Variants in STPG2 observed in about 807,000 individuals in gnomAD.
The protein encoded by STPG2 is sperm-tail PG-rich repeat-containing protein 2.
Under a neutral mutation model 54.2 loss-of-function variants are expected in STPG2, and 56 were observed. That is an observed-to-expected ratio of 1.03 (90% CI 0.83 to 1.29). STPG2 has a LOEUF of 1.29. STPG2 is among the 50% of genes most tolerant of loss of function. The pLI is 0.00. For missense variants in STPG2, 596 were observed against 544.9 expected (o/e 1.09, Z -0.93); for synonymous variants, 200 against 181.8 (o/e 1.10, Z -0.81).
rs142695699 is a variant in STPG2, at chr4:97,943,703, T to C, written c.1044+194A>G. On this transcript the variant is annotated intron_variant, in intron 8 of 10. Coordinates refer to ENST00000295268, the MANE Select transcript of STPG2 (RefSeq NM_174952.3). ...GGATGTTGCATGTAATAATCTCTCA[T>C]ATAGCAATTCTGGACTTTGGCATAG... 2.6e-5 allele frequency among the ~76,000 whole-genome samples: 4 copies of C among 152,316 alleles called. No homozygotes were observed. The East Asian group carries it at 7.7e-4, about 29-fold the overall frequency.
At chr4:97,703,443 CTA>C (rs1207888125) in intron 10 of STPG2, among the ~76,000 whole-genome samples, 1 of 139,374 alleles carries the variant, frequency 7.2e-6, no homozygotes, top group Non-Finnish European at 1.5e-5. Context: ...ATGATATATG[CTA>C]TATATATACA....
intron 10 of STPG2, among the ~76,000 whole-genome samples, chr4:97,664,127 TAG>T (rs1722453962): frequency 6.6e-6 from 1 of 152,216 alleles, no homozygotes; most frequent in Non-Finnish European, 1.5e-5. Context: ...CATTACTATA[TAG>T]CAGTCCTTGT....
intron 8 of STPG2, among the ~76,000 whole-genome samples, chr4:97,899,004 C>T (rs529863358): frequency 5.9e-5 from 9 of 151,534 alleles, no homozygotes; most frequent in African/African-American, 1.4e-4. Flanking sequence ...TAAAGGGCAT[C>T]CAAAAGGAAC....
In STPG2 at chr4:97,967,431, C is replaced by T. The variant is rs1415229333; in HGVS notation, c.933+4849G>A. Reference sequence around the variant, plus strand: ...ATGGGAGACTTGAACACCCCACTGTCAATAGTAGACATATCAATGAGACAG... The same window carrying T: ...ATGGGAGACTTGAACACCCCACTGTTAATAGTAGACATATCAATGAGACAG... On this transcript the variant is annotated intron_variant, in intron 7 of 10. Transcript: ENST00000295268. Among the ~76,000 whole-genome samples, 16 of 152,058 alleles carry T rather than the reference C, an allele frequency of 1.1e-4. No individual in the cohort carries two copies. In the East Asian group the frequency reaches 2.9e-3, roughly 28 times the overall value.
chr4:97,775,203 A>G (rs1043327322), intron 9 of STPG2, among the ~76,000 whole-genome samples: 4 of 152,182 alleles, frequency 2.6e-5, no homozygotes, highest in Non-Finnish European at 4.4e-5. Context: ...AAGGAAAGTA[A>G]ATATGGCCCT....
intron 10 of STPG2, among the ~76,000 whole-genome samples, chr4:97,571,508 C>CTA (rs1330438577): frequency 1.3e-5 from 2 of 152,138 alleles, no homozygotes; most frequent in African/African-American, 4.8e-5. Context: ...AAAGTTTCAT[C>CTA]TACCTGGTAA....
intron 9 of STPG2, among the ~76,000 whole-genome samples, chr4:97,749,396 G>A (rs1028088164): frequency 2.6e-5 from 4 of 151,446 alleles, no homozygotes; most frequent in Non-Finnish European, 5.9e-5. Flanking sequence ...CTGTATATTT[G>A]GCTATCTAGT....
intron 4 of STPG2, among the ~76,000 whole-genome samples, chr4:97,501,605 G>A (rs77502609): frequency 0.014 from 2,189 of 151,966 alleles, 27 homozygotes; most frequent in South Asian, 0.028. Context: ...TGAGGCAGGA[G>A]GATTGCTTGA....
At chr4:97,737,736 C>T (rs1463699813) in intron 9 of STPG2, among the ~76,000 whole-genome samples, 6 of 152,140 alleles carry the variant, frequency 3.9e-5, no homozygotes, top group South Asian at 4.1e-4. Context: ...TACGTCTCAT[C>T]GGTGTACCTG....
At chr4:97,767,327 A>G (rs539474732) in intron 9 of STPG2, among the ~76,000 whole-genome samples, 3 of 152,246 alleles carry the variant, frequency 2.0e-5, no homozygotes, top group Non-Finnish European at 2.9e-5. Flanking sequence ...GGAAGATTTG[A>G]TTTCATTTTG....
rs184196068 is a variant in STPG2 at position 97,880,466 on chromosome 4, A to T, written c.1045-39534T>A. 9.2e-5 allele frequency among the ~76,000 whole-genome samples: 14 copies of T among 152,288 alleles called. No individual in the cohort carries two copies. In the East Asian group the frequency reaches 2.7e-3, roughly 29 times the overall value. ...AAGATCTATTTCATTTAGAAGCAGC[A>T]GAGTATAGAAAATAAACCCTTGAGA... On this transcript the variant is annotated intron_variant, in intron 8 of 10. Transcript: ENST00000295268.
At chr4:97,834,865 G>C (rs1308743762) in intron 9 of STPG2, among the ~76,000 whole-genome samples, 2 of 151,998 alleles carry the variant, frequency 1.3e-5, no homozygotes, top group Non-Finnish European at 2.9e-5. Flanking sequence ...CTGAATGCAA[G>C]AGACCCAATA....
chr4:97,505,664 C>G (rs2148836660), intron 4 of STPG2, among the ~76,000 whole-genome samples: 1 of 151,996 alleles, frequency 6.6e-6, no homozygotes, highest in African/African-American at 2.4e-5. Flanking sequence ...TAGTGTGTAA[C>G]AGTTGCATGT....
chr4:97,806,561 A>G (rs1352186424), intron 9 of STPG2, among the ~76,000 whole-genome samples: 1 of 152,104 alleles, frequency 6.6e-6, no homozygotes, highest in Non-Finnish European at 1.5e-5. Context: ...TTAAAAAGTC[A>G]GTCTCCACAG....
chr4:97,768,697 G>A (rs927879076), intron 9 of STPG2, among the ~76,000 whole-genome samples: 3 of 151,872 alleles, frequency 2.0e-5, no homozygotes, highest in Admixed American at 6.6e-5. Context: ...ATAGTTTGGT[G>A]GTCTCTCTTT....
intron 4 of STPG2, among the ~76,000 whole-genome samples, chr4:97,501,219 A>C (rs1426389893): frequency 2.0e-5 from 3 of 152,108 alleles, no homozygotes; most frequent in Non-Finnish European, 2.9e-5. Flanking sequence ...TAGTGTAGAG[A>C]AAATCGTCTT....
At chr4:97,897,789 T>A (rs758141324) in intron 8 of STPG2, among the ~76,000 whole-genome samples, 3 of 152,228 alleles carry the variant, frequency 2.0e-5, no homozygotes, top group Admixed American at 1.3e-4. Flanking sequence ...AAGTTCCTTA[T>A]AGATGCTGGA....
chr4:97,845,924 AAAAG>A (rs1426690033), intron 8 of STPG2, among the ~76,000 whole-genome samples: 2 of 152,194 alleles, frequency 1.3e-5, no homozygotes, highest in African/African-American at 4.8e-5. Context: ...TTCTAAGAGA[AAAAG>A]AAAGAATTTG....
At chr4:98,029,493 C>T (rs909121893) in intron 5 of STPG2, among the ~76,000 whole-genome samples, 1 of 152,156 alleles carries the variant, frequency 6.6e-6, no homozygotes, top group South Asian at 2.1e-4. Flanking sequence ...AATATAGCCA[C>T]TACAGCATTT....
Sources: gnomAD v4.1 joint callset for allele counts (sites outside exome capture counted in the v4.1 genomes callset) on GRCh38, gnomAD v4.1.1 for gene constraint, MANE v1.5 for transcripts, NCBI Gene and HGNC (gene_info 2026-07-23, HGNC 2026-07-21) for gene names.